Variants in SKP1 observed in about 807,000 individuals in gnomAD.
SKP1 encodes S-phase kinase associated protein 1, also known as S-phase kinase-associated protein 1.
A neutral mutation model predicts 21.5 loss-of-function variants in SKP1; 1 was observed. The observed-to-expected ratio is 0.05, with a 90% confidence interval of 0.02 to 0.22. The LOEUF is 0.22. Ranked by LOEUF, SKP1 falls within the 10% of genes least tolerant of loss-of-function variation. The probability of loss-of-function intolerance (pLI) is 1.00; values close to 1 mark genes in which losing one functional copy is unlikely to be tolerated. For synonymous variants in SKP1, 59 were observed against 59.3 expected, an observed-to-expected ratio of 0.99 and a Z score of 0.03; for missense variants, 70 against 192.0, an observed-to-expected ratio of 0.36 and a Z score of 3.76.
At chr5:134,169,058 G>A (rs942295007) in intron 2 of SKP1, among the ~76,000 whole-genome samples, 1 of 152,102 alleles carries the variant, frequency 6.6e-6, no homozygotes, top group Non-Finnish European at 1.5e-5. Context: ...AGGCTTTAAA[G>A]ACTGGAAGAC....
intron 1 of SKP1, 92 bp from the exon 2 acceptor site, chr5:134,174,114 T>C (rs10065062): frequency 0.017 from 13,165 of 784,406 alleles, 745 homozygotes; most frequent in African/African-American, 0.15. Context: ...CTCTAACTTA[T>C]TGACCACAAA....
At position 134,150,658 on chromosome 5, in the gene SKP1, T is replaced by C. The variant is rs1761030358; in HGVS notation, c.*7075A>G. ...TTTAAGCTCTTCAGGGCTTTAAGAG[T>C]TCACCAAGGGTTTCTGAAACAGCTG... is the stretch of plus-strand genomic sequence containing the variant. On this transcript the variant is annotated 3_prime_UTR_variant, in exon 6 of 6. Transcript: ENST00000353411. The C allele has an allele frequency of 1.3e-5, 2 of 152,146 alleles. No homozygotes were observed. The highest frequency in any genetic ancestry group is 2.1e-4 in the South Asian group (1 of 4,830). 9.4% of individuals were successfully genotyped at this position (152,146 alleles called of 1,614,324 possible).
chr5:134,161,954 T>C (rs1246266490), intron 3 of SKP1: 1 of 152,246 alleles, frequency 6.6e-6, no homozygotes, highest in East Asian at 1.9e-4. Context: ...TACTGTGTAA[T>C]TCTTTCCATT....
At chr5:134,170,773 T>C (rs747678635) in intron 2 of SKP1, among the ~76,000 whole-genome samples, 3 of 152,218 alleles carry the variant, frequency 2.0e-5, no homozygotes, top group Non-Finnish European at 2.9e-5. Context: ...GCTGGCATGG[T>C]AAGTCTTCAA....
In SKP1 at chr5:134,153,006, T is replaced by C. The variant is rs971739389; in HGVS notation, c.*4727A>G. On this transcript the variant is annotated 3_prime_UTR_variant, in exon 6 of 6. Transcript: ENST00000353411. ...TTAAGGATTCAGCCATTTTGTAAGC[T>C]TTCCCTTTGCTTGCAATCTTCTTAT... 1 of 152,228 alleles carries C rather than the reference T, an allele frequency of 6.6e-6. No individual in the cohort carries two copies. The highest frequency in any genetic ancestry group is 2.4e-5 in the African/African-American group (1 of 41,454). 9.4% of individuals were successfully genotyped at this position (152,228 alleles called of 1,614,324 possible). A position where few individuals can be genotyped will look rare whatever the true frequency, so the allele number is the denominator to read the frequency against.
At chr5:134,166,339 T>C (rs1198025723) in intron 3 of SKP1, among the ~76,000 whole-genome samples, 3 of 151,646 alleles carry the variant, frequency 2.0e-5, no homozygotes, top group Admixed American at 6.6e-5. Flanking sequence ...TCCCAGCACT[T>C]TGCGAGGCTG....
At position 134,156,920 on chromosome 5, in the gene SKP1, G is replaced by A. The variant is rs972148910; in HGVS notation, c.*813C>T. 2.0e-5 allele frequency: 3 copies of A among 152,622 alleles called. No homozygotes were observed. Among genetic ancestry groups the A allele is most frequent in the Admixed American group, 2.0e-4 (3 of 15,286 alleles). 9.5% of individuals were successfully genotyped at this position (152,622 alleles called of 1,614,324 possible). ...TTGAAAGTATCTTGCATTCATGATG[G>A]ATGCTTTCTGGGTTTTACCACATAT... On this transcript the variant is annotated 3_prime_UTR_variant, in exon 6 of 6. Transcript: ENST00000353411.
chr5:134,156,385 T>C lies in SKP1; in HGVS notation c.*1348A>G, dbSNP rs1313849121. On this transcript the variant is annotated 3_prime_UTR_variant, in exon 6 of 6. Coordinates refer to ENST00000353411, the MANE Select transcript of SKP1 (RefSeq NM_170679.3). ...TCCTATCTCTGGTACAGACAACAAA[T>C]TGGAATTAAGTGAGACAACATATGG... 6.6e-6 allele frequency: 1 copy of C among 152,054 alleles called. No individual in the cohort carries two copies. Among genetic ancestry groups the C allele is most frequent in the African/African-American group, 2.4e-5 (1 of 41,400 alleles). 9.4% of individuals were successfully genotyped at this position (152,054 alleles called of 1,614,324 possible). A position where few individuals can be genotyped will look rare whatever the true frequency, so the allele number is the denominator to read the frequency against.
chr5:134,170,901 C>A, intron 2 of SKP1: 1 of 411,046 alleles, frequency 2.4e-6, no homozygotes, highest in Non-Finnish European at 4.8e-6. Context: ...AGTATTTAGG[C>A]AGCAATTCGG....
intron 1 of SKP1, chr5:134,175,134 T>C (rs1464225815): frequency 6.6e-6 from 1 of 152,270 alleles, no homozygotes; most frequent in Non-Finnish European, 1.5e-5. Context: ...ACCCATTTTA[T>C]GTTCAAAGAC....
chr5:134,171,450 A>G (rs1761438818), intron 2 of SKP1, among the ~76,000 whole-genome samples: 1 of 152,204 alleles, frequency 6.6e-6, no homozygotes, highest in African/African-American at 2.4e-5. Flanking sequence ...TTAAACTCCC[A>G]TAACCCAATA....
chr5:134,169,524 T>C (rs1580620843), intron 2 of SKP1, among the ~76,000 whole-genome samples: 1 of 152,230 alleles, frequency 6.6e-6, no homozygotes, highest in Non-Finnish European at 1.5e-5. Context: ...AAGACCAGCT[T>C]GTTTAGATCC....
In SKP1 at chr5:134,159,226, C is replaced by T. The variant is rs193052817; in HGVS notation, c.316-631G>A. ...TTTCATGTGTTTTACTTCCACTCAG[C>T]TCAAAATACTTTCTATTTCTTCTCT... On this transcript the variant is annotated intron_variant, in intron 4 of 5. Coordinates refer to ENST00000353411, the MANE Select transcript of SKP1 (RefSeq NM_170679.3). Among the ~76,000 whole-genome samples the T allele has an allele frequency of 1.1e-3, 173 of 152,290 alleles. 1 individual carries two copies. Among genetic ancestry groups the T allele is most frequent in the African/African-American group, 3.9e-3 (161 of 41,562 alleles).
At chr5:134,158,402 G>T in intron 5 of SKP1, 53 bp downstream of exon 5, 1 of 1,613,418 alleles carries the variant, frequency 6.2e-7, no homozygotes, top group Non-Finnish European at 8.5e-7. Context: ...TGTTATAGGT[G>T]TTACTCCCTT....
chr5:134,170,772 G>GT (rs562744364), intron 2 of SKP1, among the ~76,000 whole-genome samples: 6 of 152,196 alleles, frequency 3.9e-5, no homozygotes, highest in Admixed American at 2.0e-4. Context: ...AGCTGGCATG[G>GT]TAAGTCTTCA....
Position 134,153,144 on chromosome 5 carries a change from A to G in SKP1, c.*4589T>C, listed in dbSNP as rs1761069686. 1 of 152,228 alleles carries G rather than the reference A, an allele frequency of 6.6e-6. No homozygotes were observed. Among genetic ancestry groups the G allele is most frequent in the African/African-American group, 2.4e-5 (1 of 41,472 alleles). 9.4% of individuals were successfully genotyped at this position (152,228 alleles called of 1,614,324 possible). A position where few individuals can be genotyped will look rare whatever the true frequency, so the allele number is the denominator to read the frequency against. ...TGTAGGGAGAACATTTACTTGGTTG[A>G]TTCCTTCCTACCAGAATGTACACTG... On this transcript the variant is annotated 3_prime_UTR_variant, in exon 6 of 6. Coordinates refer to ENST00000353411, the MANE Select transcript of SKP1 (RefSeq NM_170679.3).
Position 134,155,416 on chromosome 5 carries a change from T to C in SKP1, c.*2317A>G, listed in dbSNP as rs926226570. On this transcript the variant is annotated 3_prime_UTR_variant, in exon 6 of 6. Transcript: ENST00000353411. ...GACTGAAAAGGGCTTCTTAATACCA[T>C]GTCTATGATTTATTTGGGTCCACAA... 1.3e-5 allele frequency: 2 copies of C among 152,210 alleles called. No individual in the cohort carries two copies. Among genetic ancestry groups the C allele is most frequent in the Non-Finnish European group, 2.9e-5 (2 of 68,018 alleles). The allele number at this position is 152,210 out of a possible 1,614,324, so 9.4% of individuals were successfully genotyped here.
chr5:134,164,322 GAAAAAAAAAAAAAAAA>G (rs55637997), intron 3 of SKP1, among the ~76,000 whole-genome samples: 1 of 122,126 alleles, frequency 8.2e-6, no homozygotes, highest in Non-Finnish European at 1.7e-5. Flanking sequence ...TCCATCTCAA[GAAAAAAAAAAAAAAAA>G]AAAAAAAAAA....
At position 134,154,607 on chromosome 5, in the gene SKP1, G is replaced by A. The variant is rs2149371968; in HGVS notation, c.*3126C>T. 6.6e-6 allele frequency: 1 copy of A among 152,194 alleles called. No individual in the cohort carries two copies. The highest frequency in any genetic ancestry group is 1.9e-4 in the East Asian group (1 of 5,172). 9.4% of individuals were successfully genotyped at this position (152,194 alleles called of 1,614,324 possible). On this transcript the variant is annotated 3_prime_UTR_variant, in exon 6 of 6. Transcript: ENST00000353411. ...ATCAATGAAAAGGTGAGAAGCCAAA[G>A]GACTGCCATGGAGTCCTTGAAAGGA...
Sources: allele counts gnomAD v4.1 joint callset (sites outside exome capture counted in the v4.1 genomes callset), GRCh38; gene constraint gnomAD v4.1.1; transcripts MANE v1.5; gene names NCBI Gene and HGNC (gene_info 2026-07-23, HGNC 2026-07-21).